C2CD2: variants seen among roughly 807,000 people sequenced by gnomAD.
The protein encoded by C2CD2 is C2 calcium dependent domain containing 2, also known as C2 domain-containing protein 2.
In C2CD2, 43 loss-of-function variants were observed where a neutral mutation model predicts 74.3. The observed-to-expected ratio is 0.58, with a 90% CI of 0.45 to 0.75. The LOEUF (loss-of-function observed/expected upper bound fraction) is 0.75, where lower values mean the gene tolerates loss of function less well. Ranked by LOEUF, C2CD2 falls within the 30% of genes least tolerant of loss-of-function variation. The probability of loss-of-function intolerance (pLI) is 0.00; values close to 1 mark genes in which losing one functional copy is unlikely to be tolerated. For missense variants in C2CD2, 801 were observed against 916.3 expected, an observed-to-expected ratio of 0.87 and a Z score of 1.63; for synonymous variants, 422 against 390.7, an observed-to-expected ratio of 1.08 and a Z score of -0.94.
chr21:41,905,218 G>A (rs2064945750), intron 11 of C2CD2, among the ~76,000 whole-genome samples: 1 of 151,968 alleles, frequency 6.6e-6, no homozygotes, highest in African/African-American at 2.4e-5. Context: ...GCAGGAATAT[G>A]AATGCCGCTC....
At chr21:41,914,837 C>T in intron 5 of C2CD2, 116 bp from the exon 6 acceptor site, 4 of 825,196 alleles carry the variant, frequency 4.8e-6, no homozygotes, top group Non-Finnish European at 7.5e-6. Flanking sequence ...TACAGGAAAA[C>T]CTGCACAGGG....
intron 1 of C2CD2, among the ~76,000 whole-genome samples, chr21:41,943,296 G>GA (rs977852141): frequency 4.6e-4 from 69 of 149,084 alleles, no homozygotes; most frequent in African/African-American, 1.5e-3. Context: ...GTCTCAAAAA[G>GA]AAAAAAAAAA....
In C2CD2 at chr21:41,904,834, A is replaced by G. The variant is rs7280239; in HGVS notation, c.1432+890T>C. 1.6e-3 allele frequency among the ~76,000 whole-genome samples: 238 copies of G among 152,326 alleles called. 1 individual carries two copies. The highest frequency in any genetic ancestry group is 5.4e-3 in the African/African-American group (226 of 41,574). On this transcript the variant is annotated intron_variant, in intron 11 of 13. Transcript: ENST00000380486. ...AGAGCTAAGCAAGAAGGAAGCATCC[A>G]TTGCCCCTGAGAGCAGGTCACGAGG... is the stretch of plus-strand genomic sequence containing the variant.
chr21:41,929,928 T>TAGAA lies in C2CD2; in HGVS notation c.379-7844_379-7843insTTCT, dbSNP rs1300280803. Among the ~76,000 whole-genome samples, 2 of 152,240 alleles carry TAGAA rather than the reference T, an allele frequency of 1.3e-5. No homozygotes were observed. Among genetic ancestry groups the TAGAA allele is most frequent in the East Asian group, 3.8e-4 (2 of 5,198 alleles). ...TTAGCTTAGGGGAAGAACAGGCTTC[T>TAGAA]GCCTTAAGGGTACCCCTTTGCTTTT... On this transcript the variant is annotated intron_variant, in intron 2 of 13. Transcript: ENST00000380486. The surrounding 1 kb of genome is among the most constrained non-coding windows in gnomAD (Gnocchi z 4.6).
At chr21:41,897,924 T>C (rs1161885042) in intron 13 of C2CD2, among the ~76,000 whole-genome samples, 1 of 152,178 alleles carries the variant, frequency 6.6e-6, no homozygotes, top group Non-Finnish European at 1.5e-5. Flanking sequence ...CCCTGGCCTC[T>C]ATTCACTAGA....
intron 2 of C2CD2, among the ~76,000 whole-genome samples, chr21:41,938,467 T>C (rs553755183): frequency 6.6e-6 from 1 of 152,258 alleles, no homozygotes; most frequent in East Asian, 1.9e-4. Context: ...TCCATTCACT[T>C]TGTTGTATCA....
At chr21:41,942,274 C>A (rs542162192) in intron 1 of C2CD2, 29 bp from the exon 2 acceptor site, 2 of 1,506,216 alleles carry the variant, frequency 1.3e-6, no homozygotes, top group East Asian at 4.9e-5. Context: ...ATGAGGAGGG[C>A]ATGCACAGGA....
chr21:41,927,916 C>T (rs1254934417), intron 2 of C2CD2, among the ~76,000 whole-genome samples: 1 of 152,200 alleles, frequency 6.6e-6, no homozygotes, highest in African/African-American at 2.4e-5. Context: ...CTGACTCCAA[C>T]CCCGCCCCCA....
chr21:41,927,449 C>T (rs2065223528), intron 2 of C2CD2, among the ~76,000 whole-genome samples: 1 of 151,982 alleles, frequency 6.6e-6, no homozygotes, highest in Non-Finnish European at 1.5e-5. Flanking sequence ...GGAACCACCG[C>T]ACCGGGCTTA....
At position 41,923,741 on chromosome 21, in the gene C2CD2, T is replaced by C. The variant is rs2065179850; in HGVS notation, c.379-1656A>G. Among the ~76,000 whole-genome samples the C allele has an allele frequency of 6.6e-6, 1 of 152,182 alleles. No homozygotes were observed. The highest frequency in any genetic ancestry group is 1.5e-5 in the Non-Finnish European group (1 of 68,032). ...AGAGGGGTGCTTTTCACAGCTACCA[T>C]GGCACAGAGAGAGATCTAGTTTCTG... On this transcript the variant is annotated intron_variant, in intron 2 of 13. Transcript: ENST00000380486. This position sits in a 1 kb window ranked among gnomAD's most constrained non-coding sequence, Gnocchi z 5.8.
intron 1 of C2CD2, among the ~76,000 whole-genome samples, chr21:41,946,682 A>C (rs1318806155): frequency 6.6e-6 from 1 of 152,148 alleles, no homozygotes; most frequent in Non-Finnish European, 1.5e-5. Context: ...CTAATACAGG[A>C]GGAGACATAA....
chr21:41,914,490 C>T, intron 6 of C2CD2, 108 bp downstream of exon 6: 1 of 881,432 alleles, frequency 1.1e-6, no homozygotes, highest in Non-Finnish European at 1.7e-6. Flanking sequence ...TCCCGCTGCA[C>T]CCCCACGGGA....
At chr21:41,913,161 T>C (rs1001990702) in intron 6 of C2CD2, among the ~76,000 whole-genome samples, 5 of 152,216 alleles carry the variant, frequency 3.3e-5, no homozygotes, top group Non-Finnish European at 7.3e-5. Context: ...AATTTGGAAA[T>C]ATACCTCACA....
chr21:41,888,005 GATGTTTTCCACC>G lies in C2CD2; in HGVS notation c.*1107_*1118del, dbSNP rs887092716. ...TATTCAAATGGTGTGCCAGGTTTGT[GATGTTTTCCACC>G]AAAACAAACCCAAACAAGGGCACCC... On this transcript the variant is annotated 3_prime_UTR_variant, in exon 14 of 14. Transcript: ENST00000380486. 4.1e-4 allele frequency: 63 copies of G among 152,650 alleles called. No individual in the cohort carries two copies. Among genetic ancestry groups the G allele is most frequent in the African/African-American group, 1.4e-3 (58 of 41,562 alleles). 9.5% of individuals were successfully genotyped at this position (152,650 alleles called of 1,614,324 possible).
At chr21:41,928,721 G>A (rs73221432) in intron 2 of C2CD2, among the ~76,000 whole-genome samples, 2,496 of 152,112 alleles carry the variant, frequency 0.016, 29 homozygotes, top group Middle Eastern at 0.044. Flanking sequence ...CTCTCAGGGC[G>A]TATTTCAGCA....
chr21:41,915,093 C>G (rs2065073726), intron 5 of C2CD2, among the ~76,000 whole-genome samples: 1 of 152,210 alleles, frequency 6.6e-6, no homozygotes, highest in African/African-American at 2.4e-5. Context: ...ATGAGGACCT[C>G]TTCCGCTGGC....
In C2CD2 at chr21:41,947,112, T is replaced by TCTCTCTCTCTCTCTCTCTCTCTC. The variant is rs1555906757; in HGVS notation, c.280-4868_280-4867insGAGAGAGAGAGAGAGAGAGAGAG. On this transcript the variant is annotated intron_variant, in intron 1 of 13. Transcript: ENST00000380486. The stretch of plus-strand genomic sequence containing the variant: ...TTTCTTTCTTTCTTTCCTTTCTCTT[T>TCTCTCTCTCTCTCTCTCTCTCTC]TCTCTCTCTCTCTCTCTCTCTCTCT... 1.7e-3 allele frequency among the ~76,000 whole-genome samples: 45 copies of TCTCTCTCTCTCTCTCTCTCTCTC among 26,208 alleles called. 1 individual carries two copies. The highest frequency in any genetic ancestry group is 2.6e-3 in the Non-Finnish European group (29 of 11,040). 17.2% of individuals were successfully genotyped at this position (26,208 alleles called of 152,430 possible).
At chr21:41,918,809 G>A (rs755580784) in intron 4 of C2CD2, 47 bp downstream of exon 4, 41 of 1,417,662 alleles carry the variant, frequency 2.9e-5, no homozygotes, top group Middle Eastern at 2.1e-4. Flanking sequence ...CCTAACACAC[G>A]TGCGTTCTCA....
At position 41,918,166 on chromosome 21, in the gene C2CD2, G is replaced by A. The variant is rs779368098; in HGVS notation, c.659C>T (p.Ala220Val). 8.7e-6 allele frequency: 14 copies of A among 1,613,964 alleles called. No homozygotes were observed. Among genetic ancestry groups the A allele is most frequent in the African/African-American group, 1.3e-5 (1 of 74,928 alleles). Residue 220 changes from alanine (A) to valine (V), a missense_variant, in exon 5 of 14, where the codon GCT becomes GTT. Physicochemically the swap from Ala to Val is moderately conservative, Grantham distance 64 (BLOSUM62 0). Coordinates refer to ENST00000380486, the MANE Select transcript of C2CD2 (RefSeq NM_015500.2). Reference sequence around the variant, plus strand: ...AACCACTGATGGAGAGGCAGAACCAGCCAAATGCTTCAAGATGTCCTTGAG... The same window carrying A: ...AACCACTGATGGAGAGGCAGAACCAACCAAATGCTTCAAGATGTCCTTGAG... ...DVLKDILKHL[A>V]GSASPSVVLI... is the part of the protein sequence containing the mutation.
Sources: allele counts gnomAD v4.1 joint callset (sites outside exome capture counted in the v4.1 genomes callset), GRCh38; gene constraint gnomAD v4.1.1; non-coding constraint Gnocchi (gnomAD v3.1); transcripts MANE v1.5; gene names NCBI Gene and HGNC (gene_info 2026-07-23, HGNC 2026-07-21).